CCDC57: variants seen among roughly 807,000 people sequenced by gnomAD.
The protein encoded by CCDC57 is coiled-coil domain containing 57.
CCDC57 carries 118 observed loss-of-function variants against 118.9 expected under a neutral mutation model. The ratio of observed to expected loss-of-function variants is 0.99; its 90% CI spans 0.86 to 1.16. The LOEUF is 1.16. Ranked by LOEUF, CCDC57 falls within the 50% of genes most tolerant of loss-of-function variation. The probability of loss-of-function intolerance (pLI) is 0.00; values close to 1 mark genes in which losing one functional copy is unlikely to be tolerated. For synonymous variants in CCDC57, 527 were observed against 532.9 expected, an observed-to-expected ratio of 0.99 and a Z score of 0.15; for missense variants, 1,300 against 1,320.7, an observed-to-expected ratio of 0.98 and a Z score of 0.24.
In CCDC57 at chr17:82,118,388, G is replaced by A. The variant is rs1367092219; in HGVS notation, c.2899+9304C>T. ...CATTAGCGCAGGACTGAAACCTGAT[G>A]TGTTATTCATTAGCGCAGGATGCCC... On this transcript the variant is annotated intron_variant, in intron 19 of 19. Coordinates refer to ENST00000665763, the Ensembl canonical transcript of CCDC57. This position sits in a 1 kb window ranked among gnomAD's most constrained non-coding sequence, Gnocchi z 4.7. Among the ~76,000 whole-genome samples, 1 of 152,212 alleles carries A rather than the reference G, an allele frequency of 6.6e-6. No individual in the cohort carries two copies. Among genetic ancestry groups the A allele is most frequent in the East Asian group, 1.9e-4 (1 of 5,198 alleles).
At chr17:82,176,866 C>A (rs1034152950) in intron 11 of CCDC57, among the ~76,000 whole-genome samples, 46 of 147,380 alleles carry the variant, frequency 3.1e-4, no homozygotes, top group African/African-American at 1.1e-3. Context: ...TTTTTTCCTG[C>A]TTCTAGGATG....
At chr17:82,125,825 T>C (rs535703456) in intron 19 of CCDC57, among the ~76,000 whole-genome samples, 1 of 152,248 alleles carries the variant, frequency 6.6e-6, no homozygotes, top group East Asian at 1.9e-4. Context: ...TCTGACCCAA[T>C]GGAACTGCCT....
intron 9 of CCDC57, among the ~76,000 whole-genome samples, chr17:82,180,921 T>C (rs2046130859): frequency 6.6e-6 from 1 of 152,230 alleles, no homozygotes; most frequent in Admixed American, 6.5e-5. Context: ...GAGCGAACGA[T>C]GAACACACGA....
rs140512358 is a variant in CCDC57, at chr17:82,197,056, C to T, written c.516+1258G>A. ...TGACTCCTGCAGAGATGCAGCCCCT[C>T]GTGACTCCTGCAGAGACGCAGCCCC... On this transcript the variant is annotated intron_variant, in intron 4 of 19. Transcript: ENST00000665763. 7.6e-3 allele frequency among the ~76,000 whole-genome samples: 1,092 copies of T among 144,146 alleles called. 17 individuals are homozygous for T. The highest frequency in any genetic ancestry group is 0.028 in the African/African-American group (1,043 of 37,870). The allele number at this position is 144,146 out of a possible 152,430, so 94.6% of individuals were successfully genotyped here.
At chr17:82,170,671 T>G (rs1362931939) in intron 13 of CCDC57, among the ~76,000 whole-genome samples, 1 of 151,908 alleles carries the variant, frequency 6.6e-6, no homozygotes. Context: ...GCCGGCAACC[T>G]GATCTCTGAC....
chr17:82,209,728 T>C (rs2050034207), intron 1 of CCDC57, among the ~76,000 whole-genome samples: 1 of 152,138 alleles, frequency 6.6e-6, no homozygotes, highest in Non-Finnish European at 1.5e-5. Flanking sequence ...CTCAAGCGAT[T>C]TTCCCCCCTC....
At chr17:82,114,224 G>A (rs532042033) in intron 19 of CCDC57, among the ~76,000 whole-genome samples, 4 of 152,308 alleles carry the variant, frequency 2.6e-5, no homozygotes, top group East Asian at 1.9e-4. Flanking sequence ...CATCCATGGC[G>A]GGGCCATCCC....
At chr17:82,107,370 G>C (rs1355749438) in intron 19 of CCDC57, 1 of 461,194 alleles carries the variant, frequency 2.2e-6, no homozygotes, top group Non-Finnish European at 4.4e-6. Flanking sequence ...AGATGCCGCG[G>C]GAGTGGGGAG....
intron 11 of CCDC57, among the ~76,000 whole-genome samples, chr17:82,177,540 C>G (rs575989784): frequency 5.3e-5 from 8 of 152,184 alleles, no homozygotes; most frequent in East Asian, 1.9e-4. Context: ...AAAGCGAGAC[C>G]GAGACCGTGT....
chr17:82,102,016 G>A (rs1198784800), intron 19 of CCDC57, 150 bp from the exon 19 acceptor site: 30 of 722,900 alleles, frequency 4.1e-5, no homozygotes, highest in Admixed American at 3.3e-5. Context: ...CCAGGAGTCC[G>A]TGAAGGCCAA....
At chr17:82,210,777 T>A (rs2050123809) in intron 1 of CCDC57, among the ~76,000 whole-genome samples, 1 of 150,934 alleles carries the variant, frequency 6.6e-6, no homozygotes, top group African/African-American at 2.4e-5. Flanking sequence ...GTGGATCACC[T>A]GAGGTCAGAA....
Position 82,163,340 on chromosome 17 carries a change from C to T in CCDC57, c.1900G>A (p.Gly634Ser), listed in dbSNP as rs773383149. 1.7e-5 allele frequency: 28 copies of T among 1,613,816 alleles called. No individual in the cohort carries two copies. In the East Asian group the frequency reaches 3.8e-4, roughly 22 times the overall value. ...GCTTGGACAGACCCTCCGGCTTGAC[C>T]AGCTTGGGCAGACCCTCCTGCAGAG... Residue 634 changes from glycine to serine, a missense_variant, in exon 14 of 20, where the codon GGT (glycine) becomes AGT (serine). Coordinates refer to ENST00000665763, the Ensembl canonical transcript of CCDC57.
At chr17:82,102,895 A>C (rs1310108093) in intron 19 of CCDC57, among the ~76,000 whole-genome samples, 10 of 151,732 alleles carry the variant, frequency 6.6e-5, no homozygotes, top group Non-Finnish European at 1.0e-4. Flanking sequence ...CAAAAAAAAA[A>C]AAAACAAAAA....
chr17:82,159,614 G>A (rs8081949), intron 14 of CCDC57, among the ~76,000 whole-genome samples: 70,919 of 151,696 alleles, frequency 0.47, 17,385 homozygotes, highest in East Asian at 0.88. Flanking sequence ...TCCAGTGTGG[G>A]CATGTTTCAA....
chr17:82,117,508 C>T (rs528162784), intron 19 of CCDC57, among the ~76,000 whole-genome samples: 1 of 152,164 alleles, frequency 6.6e-6, no homozygotes, highest in Non-Finnish European at 1.5e-5. Flanking sequence ...TGTGGTGGTA[C>T]GTGCCTGTGG....
At chr17:82,205,879 C>T (rs540096099) in intron 2 of CCDC57, among the ~76,000 whole-genome samples, 50 of 152,382 alleles carry the variant, frequency 3.3e-4, no homozygotes, top group Non-Finnish European at 6.5e-4. Flanking sequence ...CAGCCGGGCT[C>T]GGCTCGCCTT....
At chr17:82,110,975 A>G (rs945854778) in intron 19 of CCDC57, among the ~76,000 whole-genome samples, 1 of 151,814 alleles carries the variant, frequency 6.6e-6, no homozygotes, top group Non-Finnish European at 1.5e-5. Flanking sequence ...CGGTGAGCCA[A>G]AGAAAAAAAA....
intron 16 of CCDC57, chr17:82,135,142 C>T (rs926299211): frequency 6.6e-6 from 1 of 152,098 alleles, no homozygotes; most frequent in African/African-American, 2.4e-5. Context: ...GCTCTTGTCC[C>T]CCAGGCTGGA....
At chr17:82,119,175 C>A (rs1365814334) in intron 19 of CCDC57, among the ~76,000 whole-genome samples, 1 of 151,304 alleles carries the variant, frequency 6.6e-6, no homozygotes, top group Non-Finnish European at 1.5e-5. Flanking sequence ...TAGAATGACA[C>A]TACAGATTAC....
Sources: allele counts gnomAD v4.1 joint callset (sites outside exome capture counted in the v4.1 genomes callset), GRCh38; gene constraint gnomAD v4.1.1; non-coding constraint Gnocchi (gnomAD v3.1); transcripts MANE v1.5; gene names NCBI Gene and HGNC (gene_info 2026-07-23, HGNC 2026-07-21).